The following NOD2 variants were observed in gnomAD, a reference collection of about 807,000 sequenced individuals.
NOD2 encodes the protein nucleotide-binding oligomerization domain-containing protein 2.
A neutral mutation model predicts 90.9 loss-of-function variants in NOD2; 86 were observed. The observed-to-expected ratio is 0.95, with a 90% CI of 0.79 to 1.13. NOD2 has a LOEUF of 1.13. Ranked by LOEUF, NOD2 falls within the 50% of genes most tolerant of loss-of-function variation. The pLI is 0.00. For synonymous variants in NOD2, 581 were observed against 554.6 expected (o/e 1.05, Z -0.67); for missense variants, 1,238 against 1,283.8 (o/e 0.96, Z 0.55).
chr16:50,729,802 G>C lies in NOD2; in HGVS notation c.2886-16G>C, dbSNP rs199525467. On this transcript the variant is annotated splice_polypyrimidine_tract_variant and intron_variant, in intron 10 of 11. Coordinates refer to ENST00000647318, the MANE Select transcript of NOD2 (RefSeq NM_001370466.1). Reference sequence around the variant, plus strand: ...CCAAGAATCCTTGAAGCTCACCATTGTATCTTCTTTTCCAGGTTGTCCAAT... The same window carrying C: ...CCAAGAATCCTTGAAGCTCACCATTCTATCTTCTTTTCCAGGTTGTCCAAT... 1.9e-4 allele frequency: 299 copies of C among 1,605,534 alleles called. No individual in the cohort carries two copies. The African/African-American group carries it at 3.6e-3, about 20-fold the overall frequency.
At chr16:50,726,241 T>C (rs1965260488) in intron 10 of NOD2, among the ~76,000 whole-genome samples, 1 of 149,418 alleles carries the variant, frequency 6.7e-6, no homozygotes, top group African/African-American at 2.6e-5. Context: ...TCTCTGAGGC[T>C]GATGCCAAAA....
intron 6 of NOD2, among the ~76,000 whole-genome samples, chr16:50,717,303 G>C (rs562370151): frequency 6.6e-6 from 1 of 152,174 alleles, no homozygotes; most frequent in African/African-American, 2.4e-5. Context: ...TCGTCCTGGT[G>C]GGGGAGGCAT....
chr16:50,704,870 C>T (rs1014244484), intron 2 of NOD2, among the ~76,000 whole-genome samples: 10 of 152,206 alleles, frequency 6.6e-5, no homozygotes, highest in Non-Finnish European at 1.5e-4. Context: ...TTCTTTTAGT[C>T]CCCAGAATTT....
intron 9 of NOD2, 70 bp from the exon 10 acceptor site, chr16:50,725,419 G>A: frequency 2.6e-6 from 3 of 1,162,944 alleles, no homozygotes; most frequent in Non-Finnish European, 3.9e-6. Flanking sequence ...CCTATATGGG[G>A]GGCATGTGAG....
intron 1 of NOD2, among the ~76,000 whole-genome samples, chr16:50,699,205 C>CT (rs1432916746): frequency 6.6e-6 from 1 of 152,160 alleles, no homozygotes; most frequent in East Asian, 1.9e-4. Flanking sequence ...TACCTCAAGC[C>CT]TTTTTAAACG....
intron 4 of NOD2, 116 bp from the exon 5 acceptor site, chr16:50,716,471 C>A (rs1964798160): frequency 1.9e-6 from 2 of 1,042,262 alleles, no homozygotes; most frequent in Non-Finnish European, 2.9e-6. Flanking sequence ...GCAGGGTTTC[C>A]TGGAAGCACA....
chr16:50,722,200 C>A (rs181256415), intron 7 of NOD2, among the ~76,000 whole-genome samples: 92 of 152,258 alleles, frequency 6.0e-4, no homozygotes, highest in South Asian at 6.2e-4. Context: ...AGATAAAGAG[C>A]TAGCTTGCAG....
intron 1 of NOD2, chr16:50,697,094 G>C: frequency 1.3e-6 from 1 of 751,374 alleles, no homozygotes. Flanking sequence ...GGCCAACTCT[G>C]GCCTCCGGCT....
In NOD2 at chr16:50,707,978, G is replaced by A. The variant is rs753115523; in HGVS notation, c.565+18G>A. ...TTTGGAAGGTAGGTGTATGTTCTCA[G>A]TTAATCAGAAAGGGAAGGGCAGTCA... On this transcript the variant is annotated intron_variant, in intron 3 of 11. Coordinates refer to ENST00000647318, the MANE Select transcript of NOD2 (RefSeq NM_001370466.1). The A allele has an allele frequency of 5.8e-6, 9 of 1,555,166 alleles. No individual in the cohort carries two copies. In the Admixed American group the frequency reaches 6.7e-5, roughly 12 times the overall value.
rs1238071864 is a variant in NOD2, at chr16:50,729,847, G to C, written c.2915G>C (p.Gly972Ala). ...KLSNNCITYLGAEALLQALER... is the reference protein window; with the variant it reads ...KLSNNCITYLAAEALLQALER... Reference sequence around the variant, plus strand: ...TCCAATAACTGCATCACCTACCTAGGGGCAGAAGCCCTCCTGCAGGCCCTT... The same window carrying C: ...TCCAATAACTGCATCACCTACCTAGCGGCAGAAGCCCTCCTGCAGGCCCTT... The change falls in exon 11 of 12, where the codon GGG becomes GCG. Residue 972 changes from glycine to alanine, a missense_variant. Coordinates refer to ENST00000647318, the MANE Select transcript of NOD2 (RefSeq NM_001370466.1). The C allele has an allele frequency of 1.2e-6, 2 of 1,613,046 alleles. No individual in the cohort carries two copies. Among genetic ancestry groups the C allele is most frequent in the Middle Eastern group, 1.7e-4 (1 of 6,050 alleles).
At position 50,725,537 on chromosome 16, in the gene NOD2, A is replaced by C. The variant is rs1348658977; in HGVS notation, c.2850A>C (p.Glu950Asp). Residue 950 changes from glutamate (E) to aspartate (D), a missense_variant, in exon 10 of 12, where the codon GAA becomes GAC. Glu to Asp is a conservative substitution (Grantham distance 45). Around this residue, in one of 3 missense-constraint regions of NOD2, gnomAD observed 667 missense variants for 688.7 expected, o/e 0.97. Coordinates refer to ENST00000647318, the MANE Select transcript of NOD2 (RefSeq NM_001370466.1). The stretch of plus-strand genomic sequence containing the variant: ...ATGAAGGTGTATGTTCTCTCGCAGA[A>C]GGACTGAAGAAAAATTCAAGTTTGA... ...LQDEGVCSLA[E>D]GLKKNSSLKI... is the part of the protein sequence containing the mutation. 1 of 1,614,144 alleles carries C rather than the reference A, an allele frequency of 6.2e-7. No individual in the cohort carries two copies.
rs780975637 is a variant in NOD2 at position 50,716,934 on chromosome 16, G to C, written c.2509G>C (p.Ala837Pro). Reference protein sequence around the residue: ...KLTDGCAHSMAKLLACRQNFL... With the variant: ...KLTDGCAHSMPKLLACRQNFL... ...GACTGACGGCTGTGCACACTCCATGGCTAAGCTCCTTGCATGCAGGCAGAA... is the reference window on the plus strand; with the variant it reads ...GACTGACGGCTGTGCACACTCCATGCCTAAGCTCCTTGCATGCAGGCAGAA... The change falls in exon 6 of 12, where the codon GCT becomes CCT. Residue 837 changes from alanine (A) to proline (P), a missense_variant. Coordinates refer to ENST00000647318, the MANE Select transcript of NOD2 (RefSeq NM_001370466.1). 1 of 1,614,120 alleles carries C rather than the reference G, an allele frequency of 6.2e-7. No homozygotes were observed. Among genetic ancestry groups the C allele is most frequent in the Admixed American group, 1.7e-5 (1 of 60,018 alleles).
intron 6 of NOD2, among the ~76,000 whole-genome samples, chr16:50,718,394 C>G (rs556280431): frequency 6.6e-6 from 1 of 152,210 alleles, no homozygotes; most frequent in Non-Finnish European, 1.5e-5. Flanking sequence ...GGCTGATTCA[C>G]GTCCTGGGTG....
chr16:50,707,323 A>G (rs1333530291), intron 2 of NOD2, among the ~76,000 whole-genome samples: 4 of 152,192 alleles, frequency 2.6e-5, no homozygotes, highest in Non-Finnish European at 5.9e-5. Context: ...CAAGATGAGG[A>G]AGGCTGTCGG....
At chr16:50,697,486 G>A (rs1249279804) in intron 1 of NOD2, 2 of 712,606 alleles carry the variant, frequency 2.8e-6, no homozygotes, top group East Asian at 2.7e-5. Flanking sequence ...CCTGGGCAGG[G>A]TCAATGGTGG....
intron 1 of NOD2, among the ~76,000 whole-genome samples, chr16:50,694,457 C>A (rs942121957): frequency 4.6e-5 from 7 of 152,202 alleles, no homozygotes; most frequent in Admixed American, 4.6e-4. Flanking sequence ...GCTGCTGGGG[C>A]CCCTGAGTTT....
intron 6 of NOD2, 130 bp from the exon 7 acceptor site, chr16:50,719,795 C>G: frequency 1.2e-6 from 1 of 819,982 alleles, no homozygotes; most frequent in Non-Finnish European, 2.2e-6. Context: ...GCGAGGGCAC[C>G]TGATGTGGCT....
At position 50,722,610 on chromosome 16, in the gene NOD2, T is replaced by C. The variant is rs1462638740; in HGVS notation, c.2634-12T>C. 28 of 1,613,696 alleles carry C rather than the reference T, an allele frequency of 1.7e-5. No individual in the cohort carries two copies. The highest frequency in any genetic ancestry group is 2.4e-5 in the Non-Finnish European group (28 of 1,179,670). Reference sequence around the variant, plus strand: ...CACTGACACTGTCTGTTGACTCTTTTGGCCTTTTCAGATTCTGGGGCAACA... The same window carrying C: ...CACTGACACTGTCTGTTGACTCTTTCGGCCTTTTCAGATTCTGGGGCAACA... On this transcript the variant is annotated splice_polypyrimidine_tract_variant and intron_variant, in intron 7 of 11. Coordinates refer to ENST00000647318, the MANE Select transcript of NOD2 (RefSeq NM_001370466.1).
At position 50,731,756 on chromosome 16, in the gene NOD2, G is replaced by A. The variant is rs374689495; in HGVS notation, c.2979G>A (p.Gly993=). 191 of 1,613,128 alleles carry A rather than the reference G, an allele frequency of 1.2e-4. No homozygotes were observed. The highest frequency in any genetic ancestry group is 2.2e-4 in the Admixed American group (13 of 59,996). ...ACTTGATCTGCTTTAGGCTCCGAGG[G>A]AACACTTTCTCTCTAGAGGAGGTTG... is the stretch of plus-strand genomic sequence containing the variant. ...NDTILEVWLR[G]NTFSLEEVDK... is the part of the protein sequence containing the mutation. The change falls in exon 12 of 12, where the codon GGG becomes GGA. Residue 993 remains glycine (G), a synonymous_variant. Coordinates refer to ENST00000647318, the MANE Select transcript of NOD2 (RefSeq NM_001370466.1).
Sources: allele counts gnomAD v4.1 joint callset (sites outside exome capture counted in the v4.1 genomes callset), GRCh38; gene constraint gnomAD v4.1.1; regional missense constraint gnomAD v4.1.1; transcripts MANE v1.5; gene names NCBI Gene and HGNC (gene_info 2026-07-23, HGNC 2026-07-21).